Variants in ATP8A2 observed in about 807,000 individuals in gnomAD.
ATP8A2 encodes ATPase phospholipid transporting 8A2, also known as phospholipid-transporting ATPase IB.
Under a neutral mutation model 165.6 loss-of-function variants are expected in ATP8A2, and 100 were observed. That is an observed-to-expected ratio of 0.60 (90% CI 0.51 to 0.71). The LOEUF (loss-of-function observed/expected upper bound fraction) is 0.71. Ranked by LOEUF, ATP8A2 falls within the 30% of genes least tolerant of loss-of-function variation. ATP8A2 has a pLI of 0.00. For missense variants in ATP8A2, 1,227 were observed against 1,479.5 expected (o/e 0.83, Z 2.80); for synonymous variants, 543 against 548.8 (o/e 0.99, Z 0.15).
chr13:25,641,667 G>A (rs1029718706), intron 24 of ATP8A2, among the ~76,000 whole-genome samples: 1 of 151,938 alleles, frequency 6.6e-6, no homozygotes, highest in African/African-American at 2.4e-5. Context: ...TCATGAAAAT[G>A]GCCATACTGC....
chr13:25,435,223 C>A (rs1338255424), intron 1 of ATP8A2, among the ~76,000 whole-genome samples: 5 of 151,262 alleles, frequency 3.3e-5, no homozygotes, highest in African/African-American at 1.2e-4. Context: ...CGGTTTCAAG[C>A]GATTCTCCTG....
At chr13:25,822,869 T>C (rs1157841207) in intron 27 of ATP8A2, among the ~76,000 whole-genome samples, 1 of 152,230 alleles carries the variant, frequency 6.6e-6, no homozygotes, top group Non-Finnish European at 1.5e-5. Flanking sequence ...TTTTTTGTGC[T>C]TAAATATTCA....
At chr13:25,883,754 A>C (rs1953052747) in intron 33 of ATP8A2, among the ~76,000 whole-genome samples, 1 of 152,094 alleles carries the variant, frequency 6.6e-6, no homozygotes. Flanking sequence ...TGCAGGTAAA[A>C]CCAGAGAAAA....
chr13:25,539,268 T>A (rs2038391974), intron 7 of ATP8A2, among the ~76,000 whole-genome samples: 1 of 152,070 alleles, frequency 6.6e-6, no homozygotes, highest in African/African-American at 2.4e-5. Flanking sequence ...GGCTAATTTT[T>A]AAAAATTTTT....
chr13:25,732,242 T>C (rs1443534316), intron 25 of ATP8A2, among the ~76,000 whole-genome samples: 13 of 152,202 alleles, frequency 8.5e-5, no homozygotes, highest in African/African-American at 3.1e-4. Flanking sequence ...TTATCTCCAA[T>C]ATCCTTGCTA....
intron 24 of ATP8A2, among the ~76,000 whole-genome samples, chr13:25,649,709 A>G (rs1593134819): frequency 6.6e-6 from 1 of 152,016 alleles, no homozygotes; most frequent in East Asian, 1.9e-4. Context: ...TTTTGCTGCA[A>G]TTCCCTGTGG....
chr13:25,984,225 A>G (rs1444313521), intron 35 of ATP8A2, among the ~76,000 whole-genome samples: 1 of 149,200 alleles, frequency 6.7e-6, no homozygotes, highest in African/African-American at 2.4e-5. Flanking sequence ...TGACAGAGCA[A>G]GAAACCGTCT....
chr13:25,901,832 G>C (rs547426684), intron 33 of ATP8A2, among the ~76,000 whole-genome samples: 1 of 152,188 alleles, frequency 6.6e-6, no homozygotes, highest in Non-Finnish European at 1.5e-5. Flanking sequence ...ATTTGTGAAT[G>C]ATCATTACTC....
intron 24 of ATP8A2, among the ~76,000 whole-genome samples, chr13:25,686,370 C>A (rs2042602000): frequency 6.6e-6 from 1 of 152,112 alleles, no homozygotes; most frequent in Non-Finnish European, 1.5e-5. Context: ...CTGCCTTGGT[C>A]ATCTTTATTC....
intron 1 of ATP8A2, among the ~76,000 whole-genome samples, chr13:25,375,421 G>A (rs2032583445): frequency 6.6e-6 from 1 of 152,054 alleles, no homozygotes; most frequent in African/African-American, 2.4e-5. Flanking sequence ...GGGAGGGGAG[G>A]AGTGGGGACA....
chr13:25,985,640 G>A lies in ATP8A2; in HGVS notation c.3377+16961G>A, dbSNP rs148188295. ...CTTTGCCCCCAGTGCTTTATACTGA[G>A]TCGGGCCCATGGCCCCTGTGGAAAT... is the stretch of plus-strand genomic sequence containing the variant. On this transcript the variant is annotated intron_variant, in intron 35 of 36. Transcript: ENST00000381655. Among the ~76,000 whole-genome samples the A allele has an allele frequency of 9.9e-4, 151 of 152,330 alleles. 2 individuals are homozygous for A. Among genetic ancestry groups the A allele is most frequent in the African/African-American group, 3.5e-3 (144 of 41,566 alleles).
chr13:25,799,938 G>C lies in ATP8A2; in HGVS notation c.2679+24979G>C, dbSNP rs752847314. ...AAAATGTAGCATATTTCCTAAAGGAGGTTAAAGGTGAATGAAACCTTTGCT... is the reference window on the plus strand; with the variant it reads ...AAAATGTAGCATATTTCCTAAAGGACGTTAAAGGTGAATGAAACCTTTGCT... On this transcript the variant is annotated intron_variant, in intron 27 of 36. Coordinates refer to ENST00000381655, the MANE Select transcript of ATP8A2 (RefSeq NM_016529.6). Among the ~76,000 whole-genome samples the C allele has an allele frequency of 7.2e-5, 11 of 152,342 alleles. No homozygotes were observed. The East Asian group carries it at 1.9e-3, about 27-fold the overall frequency.
intron 28 of ATP8A2, among the ~76,000 whole-genome samples, chr13:25,831,758 G>T (rs1050593485): frequency 2.7e-5 from 4 of 150,674 alleles, no homozygotes; most frequent in Non-Finnish European, 5.9e-5. Flanking sequence ...CAGGAGAATT[G>T]CTTGAACCCG....
chr13:25,596,216 A>G (rs2040232701), intron 24 of ATP8A2, among the ~76,000 whole-genome samples: 1 of 152,172 alleles, frequency 6.6e-6, no homozygotes, highest in Non-Finnish European at 1.5e-5. Context: ...GGTATATTTC[A>G]GTAGCTGCTT....
chr13:25,667,202 T>C (rs1357197409), intron 24 of ATP8A2, among the ~76,000 whole-genome samples: 2 of 152,192 alleles, frequency 1.3e-5, no homozygotes, highest in African/African-American at 2.4e-5. Context: ...TTACCCACTC[T>C]GATTATTTCA....
intron 33 of ATP8A2, among the ~76,000 whole-genome samples, chr13:25,885,637 G>T (rs1953125753): frequency 1.3e-5 from 2 of 152,146 alleles, no homozygotes; most frequent in African/African-American, 4.8e-5. Flanking sequence ...AAATTGCAGT[G>T]TCCTGCTGTT....
intron 24 of ATP8A2, among the ~76,000 whole-genome samples, chr13:25,630,696 G>A (rs928232838): frequency 1.3e-5 from 2 of 152,138 alleles, no homozygotes; most frequent in Admixed American, 1.3e-4. Flanking sequence ...TGTAAAATAT[G>A]CTTCTTAATA....
In ATP8A2 at chr13:25,379,720, G is replaced by A. The variant is rs117216103; in HGVS notation, c.76+7432G>A. Among the ~76,000 whole-genome samples, 292 of 152,308 alleles carry A rather than the reference G, an allele frequency of 1.9e-3. 1 individual carries two copies. The highest frequency in any genetic ancestry group is 4.5e-3 in the Admixed American group (69 of 15,304). ...AAGTGGTCTTCTGGGACTCGGCGGA[G>A]CGGGCCCTGCTAAGCGTGTAAGATA... is the stretch of plus-strand genomic sequence containing the variant. On this transcript the variant is annotated intron_variant, in intron 1 of 36. Transcript: ENST00000381655.
At chr13:25,770,572 C>T (rs545405011) in intron 26 of ATP8A2, among the ~76,000 whole-genome samples, 17 of 152,254 alleles carry the variant, frequency 1.1e-4, no homozygotes, top group Admixed American at 4.6e-4. Context: ...CCCTCACAGC[C>T]GGCTCTGCAT....
Sources: gnomAD v4.1 joint callset for allele counts (sites outside exome capture counted in the v4.1 genomes callset) on GRCh38, gnomAD v4.1.1 for gene constraint, MANE v1.5 for transcripts, NCBI Gene and HGNC (gene_info 2026-07-23, HGNC 2026-07-21) for gene names.